FMNL2: variants seen among roughly 807,000 people sequenced by gnomAD.
FMNL2 encodes the protein formin like 2.
Under a neutral mutation model 130.2 loss-of-function variants are expected in FMNL2, and 51 were observed. That is an observed-to-expected ratio of 0.39 (90% CI 0.31 to 0.49). The LOEUF (loss-of-function observed/expected upper bound fraction) is 0.49. FMNL2 is among the 20% of genes least tolerant of loss of function. The probability of loss-of-function intolerance (pLI) is 0.85; values close to 1 mark genes in which losing one functional copy is unlikely to be tolerated. For synonymous variants in FMNL2, 465 were observed against 467.1 expected, an observed-to-expected ratio of 1.00 and a Z score of 0.06; for missense variants, 977 against 1,316.2, an observed-to-expected ratio of 0.74 and a Z score of 3.99.
chr2:152,481,619 C>G (rs1690530278), intron 1 of FMNL2, among the ~76,000 whole-genome samples: 1 of 152,092 alleles, frequency 6.6e-6, no homozygotes, highest in Non-Finnish European at 1.5e-5. Context: ...AATTGACAGC[C>G]ACAGCTACAG....
intron 1 of FMNL2, among the ~76,000 whole-genome samples, chr2:152,430,259 T>C (rs563562380): frequency 5.3e-4 from 80 of 152,314 alleles, no homozygotes; most frequent in Admixed American, 5.2e-3. Flanking sequence ...CTCACGTTAG[T>C]CCATTTTAGA....
intron 9 of FMNL2, among the ~76,000 whole-genome samples, chr2:152,589,940 C>CATATACATAT: frequency 1.5e-5 from 1 of 67,032 alleles, no homozygotes; most frequent in African/African-American, 5.8e-5. Flanking sequence ...TGGCTTTATA[C>CATATACATAT]ATATATATAT....
chr2:152,455,003 C>T (rs566598144), intron 1 of FMNL2, among the ~76,000 whole-genome samples: 1 of 152,220 alleles, frequency 6.6e-6, no homozygotes, highest in South Asian at 2.1e-4. Flanking sequence ...GAGAGGGTCC[C>T]CAGGCCTTTG....
chr2:152,612,919 C>T (rs2105871966), intron 11 of FMNL2, among the ~76,000 whole-genome samples: 1 of 152,320 alleles, frequency 6.6e-6, no homozygotes, highest in East Asian at 1.9e-4. Context: ...TTCCTTTGGG[C>T]ATCTCAGGAA....
chr2:152,415,290 G>GA (rs1018712895), intron 1 of FMNL2, among the ~76,000 whole-genome samples: 11 of 152,298 alleles, frequency 7.2e-5, no homozygotes, highest in Non-Finnish European at 1.6e-4. Flanking sequence ...GGTCTATACA[G>GA]AAGCAGCTTG....
At chr2:152,351,668 G>A (rs1244579722) in intron 1 of FMNL2, among the ~76,000 whole-genome samples, 1 of 152,158 alleles carries the variant, frequency 6.6e-6, no homozygotes, top group African/African-American at 2.4e-5. Context: ...ACATACGTGT[G>A]CATGTGTCTT....
intron 1 of FMNL2, among the ~76,000 whole-genome samples, chr2:152,445,718 C>T (rs1306396256): frequency 6.6e-6 from 1 of 152,176 alleles, no homozygotes; most frequent in Non-Finnish European, 1.5e-5. Context: ...ACATTTCTTA[C>T]AAGTTCCCAG....
At chr2:152,429,217 A>G (rs1286204834) in intron 1 of FMNL2, among the ~76,000 whole-genome samples, 1 of 77,996 alleles carries the variant, frequency 1.3e-5, no homozygotes, top group Non-Finnish European at 2.2e-5. Context: ...TAGAGGAACA[A>G]AAAAAAAAAA....
At chr2:152,346,946 C>T (rs531842926) in intron 1 of FMNL2, among the ~76,000 whole-genome samples, 30 of 152,064 alleles carry the variant, frequency 2.0e-4, no homozygotes, top group African/African-American at 7.0e-4. Flanking sequence ...AAAAAATTAG[C>T]TGGGCATAGT....
At position 152,611,504 on chromosome 2, in the gene FMNL2, A is replaced by G; in HGVS notation, c.961A>G (p.Met321Val). Residue 321 changes from methionine to valine, a missense_variant, in exon 11 of 26, where the codon ATG (methionine) becomes GTG (valine). Coordinates refer to ENST00000288670, the MANE Select transcript of FMNL2 (RefSeq NM_052905.4). Reference sequence around the variant, plus strand: ...GACAATTTCATTTCAGGTGGCTTCTATGCAGTTTATTAATATTGTAGTCCA... The same window carrying G: ...GACAATTTCATTTCAGGTGGCTTCTGTGCAGTTTATTAATATTGTAGTCCA... ...DNNIDFMVAS[M>V]QFINIVVHSV... is the part of the protein sequence containing the mutation. The G allele has an allele frequency of 6.3e-7, 1 of 1,583,060 alleles. No homozygotes were observed. Among genetic ancestry groups the G allele is most frequent in the Non-Finnish European group, 8.6e-7 (1 of 1,162,164 alleles).
chr2:152,541,180 A>G (rs1194683221), intron 2 of FMNL2, among the ~76,000 whole-genome samples: 1 of 152,026 alleles, frequency 6.6e-6, no homozygotes, highest in Non-Finnish European at 1.5e-5. Context: ...TGTTTTAGAC[A>G]GGGTCTCGCT....
Position 152,637,684 on chromosome 2 carries a change from A to C in FMNL2, c.2946+10A>C, listed in dbSNP as rs1165285703. On this transcript the variant is annotated intron_variant, in intron 23 of 25. Transcript: ENST00000288670. ...TGTGAAAGCATATAAGGTATATGTTAAGGCCCTCCTTGCCCTTATTTCTCA... is the reference window on the plus strand; with the variant it reads ...TGTGAAAGCATATAAGGTATATGTTCAGGCCCTCCTTGCCCTTATTTCTCA... 8.7e-6 allele frequency: 14 copies of C among 1,610,694 alleles called. No individual in the cohort carries two copies. The East Asian group carries it at 3.1e-4, about 36-fold the overall frequency.
At chr2:152,636,044 C>T (rs754010511) in intron 21 of FMNL2, among the ~76,000 whole-genome samples, 2 of 151,656 alleles carry the variant, frequency 1.3e-5, no homozygotes, top group East Asian at 1.9e-4. Flanking sequence ...TCTGAGCCTA[C>T]GGGCCCACCC....
chr2:152,367,480 GT>G (rs1191144079), intron 1 of FMNL2, among the ~76,000 whole-genome samples: 1 of 152,208 alleles, frequency 6.6e-6, no homozygotes. Context: ...GCACTGAAAT[GT>G]TTGATATTTT....
intron 1 of FMNL2, chr2:152,390,497 G>T: frequency 3.2e-6 from 5 of 1,544,384 alleles, no homozygotes; most frequent in Non-Finnish European, 4.5e-6. Flanking sequence ...CTCGCAGCAT[G>T]GTGGAAAAGA....
At chr2:152,390,733 G>A (rs1685064777) in intron 1 of FMNL2, 2 of 681,740 alleles carry the variant, frequency 2.9e-6, no homozygotes, top group South Asian at 3.1e-5. Flanking sequence ...AGGGCTTGGG[G>A]TAGGCATGGG....
At chr2:152,390,125 C>T (rs574212595) in intron 1 of FMNL2, 6 of 1,325,134 alleles carry the variant, frequency 4.5e-6, no homozygotes, top group Non-Finnish European at 6.5e-6. Context: ...TGAAGCCCAA[C>T]CTAGGCAACG....
At chr2:152,604,323 G>A (rs1457221727) in intron 9 of FMNL2, among the ~76,000 whole-genome samples, 2 of 149,738 alleles carry the variant, frequency 1.3e-5, no homozygotes, top group Non-Finnish European at 1.5e-5. Flanking sequence ...CTCTGTGTAG[G>A]TCTAATTCAT....
intron 1 of FMNL2, among the ~76,000 whole-genome samples, chr2:152,377,870 G>A (rs1026699042): frequency 6.6e-6 from 1 of 152,054 alleles, no homozygotes; most frequent in Non-Finnish European, 1.5e-5. Context: ...GGTGGCTTAC[G>A]CCTGTAATCC....
Sources: allele counts gnomAD v4.1 joint callset (sites outside exome capture counted in the v4.1 genomes callset), GRCh38; gene constraint gnomAD v4.1.1; transcripts MANE v1.5; gene names NCBI Gene and HGNC (gene_info 2026-07-23, HGNC 2026-07-21).